Variants in TENM2 observed in about 807,000 individuals in gnomAD.
TENM2 encodes teneurin transmembrane protein 2, also known as teneurin-2.
TENM2 carries 52 observed loss-of-function variants against 245.2 expected under a neutral mutation model. The ratio of observed to expected loss-of-function variants is 0.21; its 90% CI spans 0.17 to 0.27. TENM2 has a LOEUF of 0.27. Ranked by LOEUF, TENM2 falls within the 10% of genes least tolerant of loss-of-function variation. The probability of loss-of-function intolerance (pLI) is 1.00; values close to 1 mark genes in which losing one functional copy is unlikely to be tolerated. For missense variants in TENM2, 3,046 were observed against 3,666.8 expected (o/e 0.83, Z 4.37); for synonymous variants, 1,363 against 1,438.9 (o/e 0.95, Z 1.19).
At chr5:167,676,420 G>T (rs1286615296) in intron 2 of TENM2, among the ~76,000 whole-genome samples, 2 of 152,078 alleles carry the variant, frequency 1.3e-5, no homozygotes, top group Non-Finnish European at 2.9e-5. Context: ...GGTGAAAAGG[G>T]AAAACTCAAT....
At chr5:167,244,630 A>G in the TENM2 span, among the ~76,000 whole-genome samples, 1 of 152,216 alleles carries the variant, frequency 6.6e-6, no homozygotes, top group Admixed American at 6.5e-5. Context: ...AGTGTTTGAC[A>G]TGTGGAGAGA....
chr5:167,162,819 A>G, the TENM2 span, among the ~76,000 whole-genome samples: 4 of 152,214 alleles, frequency 2.6e-5, no homozygotes, highest in Admixed American at 1.3e-4. Flanking sequence ...GTGAGAGGAA[A>G]ATGGGTTTCA....
At chr5:167,022,691 C>T in the TENM2 span, among the ~76,000 whole-genome samples, 1 of 152,096 alleles carries the variant, frequency 6.6e-6, no homozygotes, top group Non-Finnish European at 1.5e-5. Flanking sequence ...GCCTAAGTGA[C>T]AACAATAAGG....
chr5:167,480,081 A>C (rs1008888370), intron 2 of TENM2, among the ~76,000 whole-genome samples: 4 of 152,206 alleles, frequency 2.6e-5, no homozygotes, highest in African/African-American at 7.2e-5. Context: ...GTAATTGGGA[A>C]TGGTTCTGAC....
intron 2 of TENM2, among the ~76,000 whole-genome samples, chr5:167,665,923 C>T (rs1426510702): frequency 6.6e-6 from 1 of 152,152 alleles, no homozygotes; most frequent in Non-Finnish European, 1.5e-5. Context: ...CATTCCTCTC[C>T]TGCAAGCAGA....
At chr5:167,875,929 TG>T in intron 2 of TENM2, 56 bp from the exon 5 acceptor site, 1 of 1,202,870 alleles carries the variant, frequency 8.3e-7, no homozygotes, top group Middle Eastern at 2.6e-4. Flanking sequence ...GTAACTTTCT[TG>T]GGGTGCTCTC....
chr5:167,850,657 G>A (rs1770491403), intron 2 of TENM2, among the ~76,000 whole-genome samples: 3 of 152,136 alleles, frequency 2.0e-5, no homozygotes, highest in South Asian at 2.1e-4. Context: ...AACAGGAAAC[G>A]CTGGTAAATA....
chr5:167,090,262 G>T, the TENM2 span, among the ~76,000 whole-genome samples: 1 of 149,870 alleles, frequency 6.7e-6, no homozygotes, highest in African/African-American at 2.5e-5. Flanking sequence ...GATGGTAGTT[G>T]CTTATTTACT....
At chr5:167,708,612 C>T (rs930168380) in intron 2 of TENM2, among the ~76,000 whole-genome samples, 1 of 152,108 alleles carries the variant, frequency 6.6e-6, no homozygotes, top group Non-Finnish European at 1.5e-5. Flanking sequence ...ATGGAGAGGA[C>T]TTGGGTAGAG....
At chr5:167,588,321 A>G (rs1348720133) in intron 2 of TENM2, among the ~76,000 whole-genome samples, 2 of 152,216 alleles carry the variant, frequency 1.3e-5, no homozygotes, top group African/African-American at 4.8e-5. Context: ...ATATAATAGT[A>G]GTTTGTGTAT....
chr5:167,879,319 G>A (rs892319390), intron 3 of TENM2, among the ~76,000 whole-genome samples: 1 of 152,168 alleles, frequency 6.6e-6, no homozygotes, highest in African/African-American at 2.4e-5. Flanking sequence ...GGTACAGTTA[G>A]TGAGATGTTT....
the TENM2 span, among the ~76,000 whole-genome samples, chr5:167,173,654 A>G: frequency 6.6e-6 from 1 of 152,002 alleles, no homozygotes; most frequent in Non-Finnish European, 1.5e-5. Flanking sequence ...CCATTTTAAT[A>G]CAGTTTCGAG....
At chr5:168,097,309 AG>A (rs1347625489) in intron 8 of TENM2, among the ~76,000 whole-genome samples, 1 of 152,200 alleles carries the variant, frequency 6.6e-6, no homozygotes, top group Non-Finnish European at 1.5e-5. Context: ...GGGATGATGA[AG>A]GTTGGGGGGT....
intron 3 of TENM2, among the ~76,000 whole-genome samples, chr5:167,927,580 A>G (rs557054960): frequency 6.6e-6 from 1 of 152,280 alleles, no homozygotes; most frequent in African/African-American, 2.4e-5. Flanking sequence ...TGTGTGCTGC[A>G]CATAGGGAGG....
intron 2 of TENM2, among the ~76,000 whole-genome samples, chr5:167,703,385 A>C (rs1363059211): frequency 6.6e-6 from 1 of 152,138 alleles, no homozygotes; most frequent in Non-Finnish European, 1.5e-5. Context: ...TACAAAAATT[A>C]GCCGAGCATG....
intron 8 of TENM2, 109 bp downstream of exon 10, chr5:168,090,878 C>T: frequency 1.1e-6 from 1 of 947,250 alleles, no homozygotes; most frequent in Non-Finnish European, 1.6e-6. Context: ...CAGATGACAA[C>T]CAACCAGGAT....
At chr5:167,816,332 A>G (rs77557919) in intron 2 of TENM2, among the ~76,000 whole-genome samples, 1 of 152,106 alleles carries the variant, frequency 6.6e-6, no homozygotes, top group Non-Finnish European at 1.5e-5. Context: ...GCTTGTATAG[A>G]CAAGAAACAT....
chr5:167,844,284 G>A (rs1769831010), intron 2 of TENM2, among the ~76,000 whole-genome samples: 1 of 152,164 alleles, frequency 6.6e-6, no homozygotes, highest in Non-Finnish European at 1.5e-5. Flanking sequence ...AAATTGCCTG[G>A]TACAAGAGGC....
intron 2 of TENM2, among the ~76,000 whole-genome samples, chr5:167,551,313 A>G (rs1278000817): frequency 6.6e-6 from 1 of 152,174 alleles, no homozygotes; most frequent in Non-Finnish European, 1.5e-5. Context: ...TGCTGTTGTC[A>G]GTGCACTCAC....
Sources: allele counts gnomAD v4.1 joint callset (sites outside exome capture counted in the v4.1 genomes callset), GRCh38; gene constraint gnomAD v4.1.1; transcripts MANE v1.5; gene names NCBI Gene and HGNC (gene_info 2026-07-23, HGNC 2026-07-21).